The following PARP11 variants were observed in gnomAD, a reference collection of about 807,000 sequenced individuals.
The protein encoded by PARP11 is poly(ADP-ribose) polymerase family member 11, also known as protein mono-ADP-ribosyltransferase PARP11.
Under a neutral mutation model 42.9 loss-of-function variants are expected in PARP11, and 31 were observed. That is an observed-to-expected ratio of 0.72 (90% CI 0.54 to 0.98). PARP11 has a LOEUF of 0.98. Among genes scored for constraint, PARP11 ranks in the 50% least tolerant of loss-of-function variants. PARP11 has a pLI of 0.00. For synonymous variants in PARP11, 137 were observed against 127.3 expected (o/e 1.08, Z -0.51); for missense variants, 365 against 413.1 (o/e 0.88, Z 1.01).
intron 1 of PARP11, among the ~76,000 whole-genome samples, chr12:3,851,132 G>A (rs983607878): frequency 6.6e-6 from 1 of 152,124 alleles, no homozygotes. Context: ...TACAGCATTG[G>A]GGGTCCATTC....
intron 1 of PARP11, chr12:3,872,710 G>A (rs1948511329): frequency 2.0e-6 from 2 of 985,272 alleles, no homozygotes; most frequent in Non-Finnish European, 2.4e-6. Flanking sequence ...GCTTTAGACT[G>A]GTGGGACTGG....
chr12:3,827,059 T>C (rs569180494), intron 3 of PARP11, among the ~76,000 whole-genome samples: 3 of 152,350 alleles, frequency 2.0e-5, no homozygotes, highest in Non-Finnish European at 2.9e-5. Context: ...GATTTACCAC[T>C]GTTCAGGGAA....
chr12:3,841,549 CCT>C, intron 1 of PARP11: 1 of 1,603,564 alleles, frequency 6.2e-7, no homozygotes, highest in South Asian at 1.1e-5. Flanking sequence ...ATTTTCTTCA[CCT>C]CTGGTTATCC....
At chr12:3,869,143 C>T (rs1047426856) in intron 1 of PARP11, among the ~76,000 whole-genome samples, 1 of 152,074 alleles carries the variant, frequency 6.6e-6, no homozygotes, top group African/African-American at 2.4e-5. Context: ...AGGACCCTTG[C>T]GATTACTTTG....
intron 4 of PARP11, among the ~76,000 whole-genome samples, chr12:3,822,573 T>C (rs1191170127): frequency 1.4e-5 from 2 of 141,886 alleles, no homozygotes; most frequent in Non-Finnish European, 1.5e-5. Flanking sequence ...CACTCCAGCC[T>C]GGGCGACAGG....
intron 1 of PARP11, among the ~76,000 whole-genome samples, chr12:3,844,445 A>G (rs1188817474): frequency 6.6e-6 from 1 of 152,218 alleles, no homozygotes; most frequent in East Asian, 1.9e-4. Context: ...TTGTAGGACT[A>G]GCTTACCTGA....
Position 3,840,049 on chromosome 12 carries a change from T to A in PARP11, c.19-10031A>T, listed in dbSNP as rs1947854739. ...GCCTTTGGCTAGAAAGGTTCTTAAG[T>A]CACTCAATCCTGCAGTCTATAGAAA... On this transcript the variant is annotated intron_variant, in intron 1 of 7. Transcript: ENST00000228820. The surrounding 1 kb of genome is among the most constrained non-coding windows in gnomAD (Gnocchi z 4.4). The A allele has an allele frequency of 6.2e-7, 1 of 1,609,522 alleles. No individual in the cohort carries two copies. Among genetic ancestry groups the A allele is most frequent in the African/African-American group, 1.3e-5 (1 of 74,852 alleles).
rs545333893 is a variant in PARP11 at position 3,819,982 on chromosome 12, T to C, written c.548+1891A>G. Reference sequence around the variant, plus strand: ...CCTGATGCCTGAGATGCCCTTCTCCTATCCAACTGGTGTCTGGGGCTCCCT... The same window carrying C: ...CCTGATGCCTGAGATGCCCTTCTCCCATCCAACTGGTGTCTGGGGCTCCCT... On this transcript the variant is annotated intron_variant, in intron 6 of 7. Coordinates refer to ENST00000228820, the MANE Select transcript of PARP11 (RefSeq NM_020367.6). Among the ~76,000 whole-genome samples, 59 of 152,318 alleles carry C rather than the reference T, an allele frequency of 3.9e-4. 1 individual carries two copies. In the South Asian group the frequency reaches 0.012, roughly 32 times the overall value.
intron 7 of PARP11, among the ~76,000 whole-genome samples, chr12:3,813,448 G>A (rs1565529156): frequency 1.3e-5 from 2 of 152,152 alleles, no homozygotes; most frequent in Non-Finnish European, 2.9e-5. Flanking sequence ...AGACACAAGA[G>A]ATAGACATCA....
At chr12:3,872,774 A>G (rs1353029802) in intron 1 of PARP11, 9 of 985,326 alleles carry the variant, frequency 9.1e-6, no homozygotes, top group Non-Finnish European at 1.1e-5. Context: ...AGTTACTCCA[A>G]TTAGAAAGCA....
chr12:3,813,566 A>G (rs1947225223), intron 7 of PARP11, among the ~76,000 whole-genome samples: 1 of 152,248 alleles, frequency 6.6e-6, no homozygotes, highest in Non-Finnish European at 1.5e-5. Context: ...TTACAGTTAA[A>G]TAAGTGGAAT....
At position 3,826,157 on chromosome 12, in the gene PARP11, C is replaced by T; in HGVS notation, c.344+1G>A. On this transcript the variant is annotated splice_donor_variant, in intron 4 of 7. Transcript: ENST00000228820. LOFTEE classifies it high-confidence loss of function. ...TTCCACCCCTATTCTCTTTACCATA[C>T]CTGAAAGCACTGATAGAAAAGGGGG... is the stretch of plus-strand genomic sequence containing the variant. 6.4e-7 allele frequency: 1 copy of T among 1,572,834 alleles called. No individual in the cohort carries two copies. Among genetic ancestry groups the T allele is most frequent in the Non-Finnish European group, 8.6e-7 (1 of 1,161,736 alleles).
chr12:3,832,781 T>C (rs1294250719), intron 1 of PARP11, among the ~76,000 whole-genome samples: 1 of 152,242 alleles, frequency 6.6e-6, no homozygotes, highest in Non-Finnish European at 1.5e-5. Flanking sequence ...TATTTAATAA[T>C]GTTAGATGAA....
At chr12:3,849,322 A>C (rs536071340) in intron 1 of PARP11, among the ~76,000 whole-genome samples, 1 of 152,284 alleles carries the variant, frequency 6.6e-6, no homozygotes, top group South Asian at 2.1e-4. Context: ...CTAAAAGAAA[A>C]AAAATCAGTA....
intron 4 of PARP11, 65 bp from the exon 5 acceptor site, chr12:3,822,222 C>A: frequency 8.2e-7 from 1 of 1,219,278 alleles, no homozygotes. Context: ...AAGAACTTAG[C>A]CCTTCTTCAA....
chr12:3,823,407 T>C (rs987093071), intron 4 of PARP11, among the ~76,000 whole-genome samples: 27 of 152,304 alleles, frequency 1.8e-4, no homozygotes, highest in African/African-American at 5.8e-4. Context: ...ACCTGTTTTT[T>C]TGGTTTTTAC....
chr12:3,872,235 G>C (rs1036456997), intron 1 of PARP11, among the ~76,000 whole-genome samples: 2 of 152,102 alleles, frequency 1.3e-5, no homozygotes, highest in African/African-American at 4.8e-5. Context: ...CCTTTGTCCA[G>C]TCACATTTTT....
intron 1 of PARP11, chr12:3,841,144 T>C (rs567894293): frequency 8.8e-5 from 142 of 1,605,952 alleles, no homozygotes; most frequent in South Asian, 2.1e-4. Flanking sequence ...GCCTCAGACA[T>C]TGAGCCTTTA....
At position 3,840,008 on chromosome 12, in the gene PARP11, G is replaced by A. The variant is rs2138070043; in HGVS notation, c.19-9990C>T. Reference sequence around the variant, plus strand: ...GGCAACGAGCAGCTGAAGAACAATGGGAACTCTACTAGCCTGCCTTTGGCT... The same window carrying A: ...GGCAACGAGCAGCTGAAGAACAATGAGAACTCTACTAGCCTGCCTTTGGCT... On this transcript the variant is annotated intron_variant, in intron 1 of 7. Coordinates refer to ENST00000228820, the MANE Select transcript of PARP11 (RefSeq NM_020367.6). This position sits in a 1 kb window ranked among gnomAD's most constrained non-coding sequence, Gnocchi z 4.4. 6.3e-7 allele frequency: 1 copy of A among 1,596,968 alleles called. No homozygotes were observed. The highest frequency in any genetic ancestry group is 8.6e-7 in the Non-Finnish European group (1 of 1,164,358).
Sources: allele counts gnomAD v4.1 joint callset (sites outside exome capture counted in the v4.1 genomes callset), GRCh38; gene constraint gnomAD v4.1.1; non-coding constraint Gnocchi (gnomAD v3.1); transcripts MANE v1.5; gene names NCBI Gene and HGNC (gene_info 2026-07-23, HGNC 2026-07-21).